The following GRIP1 variants were observed in gnomAD, a reference collection of about 807,000 sequenced individuals.
GRIP1 encodes glutamate receptor-interacting protein 1.
GRIP1 carries 45 observed loss-of-function variants against 129.9 expected under a neutral mutation model. The observed-to-expected ratio is 0.35, with a 90% confidence interval of 0.27 to 0.44. The LOEUF is 0.44. GRIP1 is among the 20% of genes least tolerant of loss of function. GRIP1 has a pLI of 1.00. For synonymous variants in GRIP1, 530 were observed against 520.8 expected, an observed-to-expected ratio of 1.02 and a Z score of -0.24; for missense variants, 1,196 against 1,396.8, an observed-to-expected ratio of 0.86 and a Z score of 2.29.
intron 7 of GRIP1, among the ~76,000 whole-genome samples, chr12:66,500,795 C>T (rs1269137691): frequency 1.3e-5 from 2 of 152,176 alleles, no homozygotes; most frequent in Non-Finnish European, 2.9e-5. Context: ...TTTCCATTTC[C>T]TATTTTACTG....
At chr12:66,669,577 TAGAAA>T (rs2033974525) in intron 1 of GRIP1, among the ~76,000 whole-genome samples, 1 of 152,180 alleles carries the variant, frequency 6.6e-6, no homozygotes, top group African/African-American at 2.4e-5. Flanking sequence ...TCATCAAATG[TAGAAA>T]GCATAATGAA....
chr12:66,861,631 C>A (rs997527967), intron 1 of GRIP1, among the ~76,000 whole-genome samples: 3 of 152,076 alleles, frequency 2.0e-5, no homozygotes, highest in Non-Finnish European at 4.4e-5. Flanking sequence ...GAAGAAAAAT[C>A]TAGTTTTCTT....
intron 2 of GRIP1, among the ~76,000 whole-genome samples, chr12:66,549,367 T>C (rs557763884): frequency 2.0e-5 from 3 of 152,280 alleles, no homozygotes; most frequent in Admixed American, 2.0e-4. Flanking sequence ...GGTTGATTAA[T>C]TGTACCAATG....
At chr12:66,593,125 T>C (rs1432286256) in intron 2 of GRIP1, among the ~76,000 whole-genome samples, 1 of 152,234 alleles carries the variant, frequency 6.6e-6, no homozygotes, top group African/African-American at 2.4e-5. Flanking sequence ...AAAAATCCTT[T>C]TATTCTTACA....
intron 7 of GRIP1, among the ~76,000 whole-genome samples, chr12:66,475,410 G>A (rs11176210): frequency 0.13 from 19,022 of 152,140 alleles, 1,477 homozygotes; most frequent in Non-Finnish European, 0.18. Flanking sequence ...GTCAACATTA[G>A]ACAGATCAAT....
chr12:66,494,347 T>G (rs751820462), intron 7 of GRIP1, among the ~76,000 whole-genome samples: 1 of 152,218 alleles, frequency 6.6e-6, no homozygotes, highest in Non-Finnish European at 1.5e-5. Context: ...TTCAAAAATC[T>G]TACATTTAGA....
At chr12:66,975,164 C>T (rs1326784045) in intron 1 of GRIP1, among the ~76,000 whole-genome samples, 1 of 152,112 alleles carries the variant, frequency 6.6e-6, no homozygotes, top group East Asian at 1.9e-4. Flanking sequence ...CCCCTCATTC[C>T]ATCTCACCCT....
rs548683121 is a variant in GRIP1, at chr12:66,698,076, C to T, written c.-419-67740G>A. Among the ~76,000 whole-genome samples, 3 of 152,154 alleles carry T rather than the reference C, an allele frequency of 2.0e-5. No homozygotes were observed. In the East Asian group the frequency reaches 5.8e-4, roughly 29 times the overall value. On this transcript the variant is annotated intron_variant, in intron 1 of 4. Transcript: ENST00000538373. ...TTTGTAGAAAGCAATATGCTTTCTACAATATTTACAACAATCAGAGATTAG... is the reference window on the plus strand; with the variant it reads ...TTTGTAGAAAGCAATATGCTTTCTATAATATTTACAACAATCAGAGATTAG...
chr12:66,919,622 T>C (rs952736270), intron 1 of GRIP1, among the ~76,000 whole-genome samples: 2 of 152,176 alleles, frequency 1.3e-5, no homozygotes, highest in Non-Finnish European at 1.5e-5. Context: ...GGCACCTCAA[T>C]GACACCAATG....
intron 1 of GRIP1, among the ~76,000 whole-genome samples, chr12:66,765,712 A>G (rs1345422861): frequency 6.6e-6 from 1 of 152,232 alleles, no homozygotes; most frequent in African/African-American, 2.4e-5. Context: ...AATAATTTGT[A>G]GAATTGATGT....
chr12:66,824,551 T>G (rs1361814645), intron 1 of GRIP1, among the ~76,000 whole-genome samples: 1 of 152,160 alleles, frequency 6.6e-6, no homozygotes, highest in African/African-American at 2.4e-5. Context: ...CCGAATGCCC[T>G]TTGCATAACC....
chr12:66,447,597 C>T (rs1178213724), intron 11 of GRIP1, among the ~76,000 whole-genome samples: 2 of 151,970 alleles, frequency 1.3e-5, no homozygotes, highest in Non-Finnish European at 2.9e-5. Flanking sequence ...TTTTTTCCCC[C>T]ACTACAGGAG....
At chr12:66,706,506 C>G (rs1281612218) in intron 1 of GRIP1, among the ~76,000 whole-genome samples, 1 of 152,070 alleles carries the variant, frequency 6.6e-6, no homozygotes, top group Non-Finnish European at 1.5e-5. Flanking sequence ...CCCAGCAATA[C>G]CATTACTGGG....
In GRIP1 at chr12:66,541,850, T is replaced by G; in HGVS notation, c.237A>C (p.Arg79Ser). The G allele has an allele frequency of 6.2e-7, 1 of 1,614,120 alleles. No homozygotes were observed. Among genetic ancestry groups the G allele is most frequent in the East Asian group, 2.2e-5 (1 of 44,892 alleles). Residue 79 changes from arginine (R) to serine (S), a missense_variant, in exon 3 of 25, where the codon AGA becomes AGC. Transcript: ENST00000359742. Reference sequence around the variant, plus strand: ...TTCCTCCTTGCCGCAGATTAGATACTCTTGGCTTGCCATCCTTATCAATTC... The same window carrying G: ...TTCCTCCTTGCCGCAGATTAGATACGCTTGGCTTGCCATCCTTATCAATTC... ...SGGIDKDGKP[R>S]VSNLRQGGIA...
chr12:66,841,580 T>C (rs1169161185), intron 1 of GRIP1, among the ~76,000 whole-genome samples: 4 of 152,216 alleles, frequency 2.6e-5, no homozygotes, highest in Non-Finnish European at 5.9e-5. Context: ...GGCATGCTCT[T>C]CAATTCCCTA....
intron 1 of GRIP1, among the ~76,000 whole-genome samples, chr12:66,677,788 T>C (rs896265332): frequency 6.6e-6 from 1 of 152,196 alleles, no homozygotes; most frequent in African/African-American, 2.4e-5. Context: ...GATAAAATAT[T>C]AATTGCATTT....
intron 1 of GRIP1, among the ~76,000 whole-genome samples, chr12:66,842,554 A>C (rs2039738892): frequency 6.6e-6 from 1 of 152,160 alleles, no homozygotes; most frequent in South Asian, 2.1e-4. Context: ...ATGAATGCTC[A>C]ATATTTGCTA....
At chr12:66,827,120 C>T (rs1159390122) in intron 1 of GRIP1, among the ~76,000 whole-genome samples, 1 of 152,074 alleles carries the variant, frequency 6.6e-6, no homozygotes, top group African/African-American at 2.4e-5. Context: ...CAACTATACA[C>T]ATTAATTTTC....
intron 1 of GRIP1, among the ~76,000 whole-genome samples, chr12:66,897,400 T>C (rs1230633059): frequency 6.6e-6 from 1 of 152,196 alleles, no homozygotes; most frequent in Non-Finnish European, 1.5e-5. Flanking sequence ...TGCCTCCTTA[T>C]TAGCCTCTGA....
Sources: gnomAD v4.1 joint callset for allele counts (sites outside exome capture counted in the v4.1 genomes callset) on GRCh38, gnomAD v4.1.1 for gene constraint, MANE v1.5 for transcripts, NCBI Gene and HGNC (gene_info 2026-07-23, HGNC 2026-07-21) for gene names.